NBEAL2: variants seen among roughly 807,000 people sequenced by gnomAD.
NBEAL2 encodes neurobeachin-like protein 2.
A neutral mutation model predicts 299.8 loss-of-function variants in NBEAL2; 160 were observed. That is an observed-to-expected ratio of 0.53 (90% CI 0.47 to 0.61). The LOEUF is 0.61. NBEAL2 is among the 20% of genes least tolerant of loss of function. The pLI, the probability that NBEAL2 is intolerant of heterozygous loss-of-function variation, is 0.00. For missense variants in NBEAL2, 3,112 were observed against 3,649.0 expected, an observed-to-expected ratio of 0.85 and a Z score of 3.79; for synonymous variants, 1,493 against 1,542.3, an observed-to-expected ratio of 0.97 and a Z score of 0.75.
At position 47,004,373 on chromosome 3, in the gene NBEAL2, C is replaced by T. The variant is rs547933637; in HGVS notation, c.6178C>T (p.Arg2060Cys). The change falls in exon 37 of 54, where the codon CGT becomes TGT. Residue 2060 changes from arginine to cysteine, a missense_variant. Coordinates refer to ENST00000450053, the MANE Select transcript of NBEAL2 (RefSeq NM_015175.3). This position sits in a 1 kb window ranked among gnomAD's most constrained non-coding sequence, Gnocchi z 5.0. ...CAGCCGCTCCCCCCAGGAGATGCTG[C>T]GTGCCTCAGGCCTTACCCAGGTGAG... ...LSSRSPQEMLRASGLTQKWVQ... is the reference protein window; with the variant it reads ...LSSRSPQEMLCASGLTQKWVQ... 1.6e-4 allele frequency: 254 copies of T among 1,595,386 alleles called. No homozygotes were observed. The South Asian group carries it at 2.2e-3, about 14-fold the overall frequency.
Position 47,009,388 on chromosome 3 carries a change from T to TCGG in NBEAL2, c.*72_*74dup. On this transcript the variant is annotated 3_prime_UTR_variant, in exon 54 of 54. Coordinates refer to ENST00000450053, the MANE Select transcript of NBEAL2 (RefSeq NM_015175.3). ...TGGCCCGGGAGGCCCCGCCCAGAAG[T>TCGG]CGGCGGGAACACCCCGGGGTGGGCA... 6.8e-7 allele frequency: 1 copy of TCGG among 1,471,160 alleles called. No individual in the cohort carries two copies. Among genetic ancestry groups the TCGG allele is most frequent in the Non-Finnish European group, 9.2e-7 (1 of 1,084,252 alleles). 91.1% of individuals were successfully genotyped at this position (1,471,160 alleles called of 1,614,324 possible). A position where few individuals can be genotyped will look rare whatever the true frequency, so the allele number is the denominator to read the frequency against.
At chr3:47,008,861 G>A (rs926277799) in intron 52 of NBEAL2, 128 bp from the exon 53 acceptor site, 1 of 1,468,010 alleles carries the variant, frequency 6.8e-7, no homozygotes, top group Admixed American at 1.9e-5. Flanking sequence ...AGATTTCTTT[G>A]TGTATAAGAA....
intron 20 of NBEAL2, 116 bp from the exon 21 acceptor site, chr3:46,997,951 G>A: frequency 1.5e-6 from 2 of 1,346,788 alleles, no homozygotes; most frequent in Non-Finnish European, 2.0e-6. Flanking sequence ...GTTCTGAGCA[G>A]GCTGGTGGCC....
rs758568957 is a variant in NBEAL2 at position 47,006,111 on chromosome 3, G to A, written c.6919+48G>A. ...GTCAGGGCCAGGACAAGATCAGGTC[G>A]GGTGGATGCAGAGGGCACGCAGGGA... On this transcript the variant is annotated intron_variant, in intron 43 of 53. Coordinates refer to ENST00000450053, the MANE Select transcript of NBEAL2 (RefSeq NM_015175.3). The A allele has an allele frequency of 1.1e-5, 18 of 1,612,660 alleles. 1 individual carries two copies. The highest frequency in any genetic ancestry group is 1.1e-4 in the African/African-American group (8 of 74,904).
chr3:47,007,483 C>T (rs1441312431), intron 47 of NBEAL2, 42 bp from the exon 48 acceptor site: 29 of 1,587,212 alleles, frequency 1.8e-5, no homozygotes, highest in Non-Finnish European at 2.5e-5. Context: ...GGGTCTCTTC[C>T]ATGTGGCCTG....
Position 46,999,922 on chromosome 3 carries a change from G to A in NBEAL2, c.3823G>A (p.Val1275Met), listed in dbSNP as rs776157860. 1.2e-6 allele frequency: 2 copies of A among 1,610,858 alleles called. No homozygotes were observed. Among genetic ancestry groups the A allele is most frequent in the Non-Finnish European group, 1.7e-6 (2 of 1,178,380 alleles). ...FHLIYGQPDVVRLLARQAGWQ... is the reference protein window; with the variant it reads ...FHLIYGQPDVMRLLARQAGWQ... The stretch of plus-strand genomic sequence containing the variant: ...CCTCATCTACGGACAGCCAGATGTA[G>A]TGCGGCTTCTGGCCCGACAGGCTGG... Residue 1275 changes from valine (V) to methionine (M), a missense_variant, in exon 27 of 54, where the codon GTG becomes ATG. This residue lies in a region of NBEAL2 where 2,243 missense variants were observed against 2,538.1 expected (regional missense o/e 0.88). Transcript: ENST00000450053.
At position 47,004,133 on chromosome 3, in the gene NBEAL2, C is replaced by G. The variant is rs2037240826; in HGVS notation, c.5938C>G (p.Arg1980Gly). The stretch of plus-strand genomic sequence containing the variant: ...CCAGCTGCGTGAGGTCCACCTGCGG[C>G]GTTTCAACCTGCGCCGTTCAGCACT... ...LAQLREVHLR[R>G]FNLRRSALEL... Residue 1980 changes from arginine (R) to glycine (G), a missense_variant, in exon 37 of 54, where the codon CGT becomes GGT. Arg to Gly is a moderately radical substitution (Grantham distance 125). Transcript: ENST00000450053. This position sits in a 1 kb window ranked among gnomAD's most constrained non-coding sequence, Gnocchi z 5.0. 1 of 1,613,532 alleles carries G rather than the reference C, an allele frequency of 6.2e-7. No individual in the cohort carries two copies. Among genetic ancestry groups the G allele is most frequent in the Admixed American group, 1.7e-5 (1 of 59,986 alleles).
intron 13 of NBEAL2, 25 bp from the exon 14 acceptor site, chr3:46,995,689 A>G: frequency 6.2e-7 from 1 of 1,611,988 alleles, no homozygotes; most frequent in Non-Finnish European, 8.5e-7. Flanking sequence ...GAACAAGCAG[A>G]CATAACTGGC....
chr3:47,006,547 G>A lies in NBEAL2; in HGVS notation c.7134+98G>A. On this transcript the variant is annotated intron_variant, in intron 45 of 53. Transcript: ENST00000450053. ...TGGGGCAGATGGGAATCCTAATCAAGGTCACTGATTTCAAGGCACCTTAGA... is the reference window on the plus strand; with the variant it reads ...TGGGGCAGATGGGAATCCTAATCAAAGTCACTGATTTCAAGGCACCTTAGA... 4 of 1,183,914 alleles carry A rather than the reference G, an allele frequency of 3.4e-6. No individual in the cohort carries two copies. The South Asian group carries it at 3.9e-5, about 12-fold the overall frequency. 73.3% of individuals were successfully genotyped at this position (1,183,914 alleles called of 1,614,324 possible).
At position 46,989,035 on chromosome 3, in the gene NBEAL2, G is replaced by A; in HGVS notation, c.270-50G>A. On this transcript the variant is annotated intron_variant, in intron 3 of 53. Transcript: ENST00000450053. This position sits in a 1 kb window ranked among gnomAD's most constrained non-coding sequence, Gnocchi z 5.5. Reference sequence around the variant, plus strand: ...TGTGGGCCAGAGGGAGAGGGGACAAGGAGGGGCATGGTGTATTATTGTGAC... The same window carrying A: ...TGTGGGCCAGAGGGAGAGGGGACAAAGAGGGGCATGGTGTATTATTGTGAC... The A allele has an allele frequency of 1.9e-6, 3 of 1,611,582 alleles. No homozygotes were observed. Among genetic ancestry groups the A allele is most frequent in the Non-Finnish European group, 2.5e-6 (3 of 1,178,714 alleles).
At position 47,004,588 on chromosome 3, in the gene NBEAL2, G is replaced by C. The variant is rs1055207883; in HGVS notation, c.6292G>C (p.Val2098Leu). 1 of 1,613,318 alleles carries C rather than the reference G, an allele frequency of 6.2e-7. No individual in the cohort carries two copies. Among genetic ancestry groups the C allele is most frequent in the African/African-American group, 1.3e-5 (1 of 75,010 alleles). Reference sequence around the variant, plus strand: ...CTACAATGACCTGTCTCAGTACCCTGTGGTGAGGGTCCCACTCTGCACCCC... The same window carrying C: ...CTACAATGACCTGTCTCAGTACCCTCTGGTGAGGGTCCCACTCTGCACCCC... Reference protein sequence around the residue: ...RTYNDLSQYPVFPWVLQDYVS... With the variant: ...RTYNDLSQYPLFPWVLQDYVS... The change falls in exon 38 of 54, where the codon GTG becomes CTG. Residue 2098 changes from valine (V) to leucine (L), a missense_variant and splice_region_variant. Around this residue, in one of 3 missense-constraint regions of NBEAL2, gnomAD observed 521 missense variants for 729.6 expected, o/e 0.71. Coordinates refer to ENST00000450053, the MANE Select transcript of NBEAL2 (RefSeq NM_015175.3). The surrounding 1 kb of genome is among the most constrained non-coding windows in gnomAD (Gnocchi z 5.0).
rs2036082263 is a variant in NBEAL2, at chr3:46,991,473, G to C, written c.710G>C (p.Ser237Thr). ...KGLLSVVRGW[S>T]RGPAPDPCLV... ...CTGCTGAGTGTGGTGCGGGGCTGGA[G>C]CCGTGGGCCAGCCCCGGACCCGTGC... The change falls in exon 8 of 54, where the codon AGC becomes ACC. Residue 237 changes from serine (S) to threonine (T), a missense_variant. Coordinates refer to ENST00000450053, the MANE Select transcript of NBEAL2 (RefSeq NM_015175.3). The surrounding 1 kb of genome is among the most constrained non-coding windows in gnomAD (Gnocchi z 6.2). The C allele has an allele frequency of 6.2e-7, 1 of 1,612,448 alleles. No individual in the cohort carries two copies. Among genetic ancestry groups the C allele is most frequent in the African/African-American group, 1.3e-5 (1 of 74,912 alleles).
At position 47,001,678 on chromosome 3, in the gene NBEAL2, T is replaced by G. The variant is rs867865124; in HGVS notation, c.4645-11T>G. On this transcript the variant is annotated splice_polypyrimidine_tract_variant and intron_variant, in intron 29 of 53. Transcript: ENST00000450053. The surrounding 1 kb of genome is among the most constrained non-coding windows in gnomAD (Gnocchi z 6.1). ...TGGTGATGTCTGTTGGGAACCTGTT[T>G]TCTGTGGCAGCTCTTTGAAGGTGTA... 6.2e-7 allele frequency: 1 copy of G among 1,610,048 alleles called. No individual in the cohort carries two copies.
intron 6 of NBEAL2, among the ~76,000 whole-genome samples, chr3:46,990,115 T>C (rs1397537684): frequency 6.6e-6 from 1 of 152,122 alleles, no homozygotes; most frequent in African/African-American, 2.4e-5. Flanking sequence ...GCCAGGACTT[T>C]AGATAGGCTC....
In NBEAL2 at chr3:47,001,077, G is replaced by C. The variant is rs571391739; in HGVS notation, c.4382G>C (p.Ser1461Thr). The C allele has an allele frequency of 3.7e-6, 6 of 1,612,750 alleles. No homozygotes were observed. In the South Asian group the frequency reaches 5.5e-5, roughly 15 times the overall value. ...GTGACGTGGCGTGGCGTGGAAGGCA[G>C]CGATGAGGCTGCCTGGCGGGAGCGT... ...FSVTWRGVEG[S>T]DEAAWRERGQ... The change falls in exon 28 of 54, where the codon AGC becomes ACC. Residue 1461 changes from serine (S) to threonine (T), a missense_variant. By Grantham distance (58) the Ser-to-Thr change is moderately conservative. Around this residue, in one of 3 missense-constraint regions of NBEAL2, gnomAD observed 2,243 missense variants for 2,538.1 expected, o/e 0.88. Coordinates refer to ENST00000450053, the MANE Select transcript of NBEAL2 (RefSeq NM_015175.3). This position sits in a 1 kb window ranked among gnomAD's most constrained non-coding sequence, Gnocchi z 6.1.
chr3:46,994,116 T>C, intron 11 of NBEAL2, 96 bp downstream of exon 11: 3 of 1,297,914 alleles, frequency 2.3e-6, no homozygotes, highest in Non-Finnish European at 2.2e-6. Context: ...ATAAGCATCC[T>C]GCTCCCTGGA....
rs374752503 is a variant in NBEAL2 at position 47,006,385 on chromosome 3, G to C, written c.7070G>C (p.Arg2357Pro). ...SAEEAAHRLA[R>P]LDTNSPSIFQ... ...GAGGAAGCAGCCCATCGCCTTGCAC[G>C]CCTGGACACTAACTCACCTAGCATC... is the stretch of plus-strand genomic sequence containing the variant. Residue 2357 changes from arginine (R) to proline (P), a missense_variant, in exon 45 of 54, where the codon CGC (arginine) becomes CCC (proline). By Grantham distance (103) the Arg-to-Pro change is moderately radical (BLOSUM62 -2). Around this residue, in one of 3 missense-constraint regions of NBEAL2, gnomAD observed 521 missense variants for 729.6 expected, o/e 0.71. Coordinates refer to ENST00000450053, the MANE Select transcript of NBEAL2 (RefSeq NM_015175.3). The C allele has an allele frequency of 1.3e-5, 20 of 1,595,952 alleles. 1 individual carries two copies. In the South Asian group the frequency reaches 2.3e-4, roughly 18 times the overall value.
rs373692683 is a variant in NBEAL2, at chr3:46,993,970, C to A, written c.1147C>A (p.His383Asn). 1.6e-5 allele frequency: 26 copies of A among 1,611,870 alleles called. No individual in the cohort carries two copies. The African/African-American group carries it at 3.3e-4, about 21-fold the overall frequency. The part of the protein sequence containing the change: ...LDQDTDAIAV[H>N]VVRVLTCIMS... Reference sequence around the variant, plus strand: ...CCAAGACACAGACGCCATTGCAGTCCATGTAGTCAGAGTGCTGACCTGCAT... The same window carrying A: ...CCAAGACACAGACGCCATTGCAGTCAATGTAGTCAGAGTGCTGACCTGCAT... Residue 383 changes from histidine (H) to asparagine (N), a missense_variant, in exon 11 of 54, where the codon CAT becomes AAT. Transcript: ENST00000450053.
chr3:46,999,178 A>C, intron 24 of NBEAL2, 61 bp downstream of exon 24: 1 of 1,542,454 alleles, frequency 6.5e-7, no homozygotes, highest in East Asian at 2.4e-5. Flanking sequence ...CCTGGGGTTC[A>C]GGGAGGTACA....
Sources: gnomAD v4.1 joint callset for allele counts (sites outside exome capture counted in the v4.1 genomes callset) on GRCh38, gnomAD v4.1.1 for gene constraint, gnomAD v4.1.1 regional missense constraint, Gnocchi (gnomAD v3.1) non-coding constraint, MANE v1.5 for transcripts, NCBI Gene and HGNC (gene_info 2026-07-23, HGNC 2026-07-21) for gene names.